Variants in TBC1D1 observed in about 807,000 individuals in gnomAD.
TBC1D1 encodes the protein TBC1 (tre-2/USP6, BUB2, cdc16) domain family, member 1.
In TBC1D1, 89 loss-of-function variants were observed where a neutral mutation model predicts 125.6. That is an observed-to-expected ratio of 0.71 (90% CI 0.60 to 0.85). TBC1D1 has a LOEUF of 0.85. Ranked by LOEUF, TBC1D1 falls within the 40% of genes least tolerant of loss-of-function variation. The pLI is 0.00. For missense variants in TBC1D1, 1,377 were observed against 1,469.2 expected, an observed-to-expected ratio of 0.94 and a Z score of 1.03; for synonymous variants, 565 against 564.1, an observed-to-expected ratio of 1.00 and a Z score of -0.02.
At position 37,905,065 on chromosome 4, in the gene TBC1D1, G is replaced by A. The variant is rs373275775; in HGVS notation, c.417+2553G>A. Among the ~76,000 whole-genome samples the A allele has an allele frequency of 1.1e-4, 16 of 152,330 alleles. No individual in the cohort carries two copies. In the East Asian group the frequency reaches 2.7e-3, roughly 26 times the overall value. On this transcript the variant is annotated intron_variant, in intron 2 of 19. Coordinates refer to ENST00000261439, the MANE Select transcript of TBC1D1 (RefSeq NM_015173.4). ...CCAGCATCATAAACACAAAACTACA[G>A]TTTGCGAGGAAACCCTTTGACCAGC...
rs185572412 is a variant in TBC1D1, at chr4:37,978,533, T to A, written c.418-35976T>A. Among the ~76,000 whole-genome samples the A allele has an allele frequency of 3.1e-3, 470 of 152,394 alleles. 2 individuals carry two copies. The highest frequency in any genetic ancestry group is 0.011 in the African/African-American group (456 of 41,586). On this transcript the variant is annotated intron_variant, in intron 2 of 19. Transcript: ENST00000261439. ...TTATAGTCTTATTTAATTACATTTT[T>A]ATGAATACCTGTTTGTGAGCAGGTA...
chr4:38,110,553 G>A (rs1762034248), intron 15 of TBC1D1: 2 of 985,420 alleles, frequency 2.0e-6, no homozygotes, highest in South Asian at 4.7e-5. Context: ...GGATCATCTT[G>A]TAGGCCTTTC....
At chr4:38,052,085 T>C (rs771729511) in intron 11 of TBC1D1, 25 bp downstream of exon 12, 59 of 1,550,228 alleles carry the variant, frequency 3.8e-5, no homozygotes, top group Admixed American at 9.8e-5. Flanking sequence ...GTGGCAAGTT[T>C]GGTGTTGTCT....
intron 14 of TBC1D1, among the ~76,000 whole-genome samples, chr4:38,097,913 G>C (rs1258565728): frequency 1.3e-5 from 2 of 152,086 alleles, no homozygotes; most frequent in Admixed American, 1.3e-4. Context: ...TGTTTGTTAC[G>C]CATTTTCCCT....
intron 2 of TBC1D1, among the ~76,000 whole-genome samples, chr4:37,909,524 G>T (rs1014263256): frequency 1.3e-5 from 2 of 152,028 alleles, no homozygotes; most frequent in East Asian, 1.9e-4. Context: ...TATATTTGCC[G>T]GCTCATTACT....
intron 2 of TBC1D1, chr4:38,006,958 C>T (rs908438067): frequency 2.3e-6 from 1 of 432,290 alleles, no homozygotes; most frequent in Non-Finnish European, 4.6e-6. Flanking sequence ...GATACCCAGT[C>T]ATAAGTCTCC....
intron 2 of TBC1D1, among the ~76,000 whole-genome samples, chr4:37,916,986 G>T (rs934204328): frequency 1.3e-5 from 2 of 151,562 alleles, no homozygotes; most frequent in Non-Finnish European, 2.9e-5. Context: ...GGCCAGGCTG[G>T]TCTTGAACTT....
At chr4:38,061,184 C>T (rs1047653229) in intron 12 of TBC1D1, among the ~76,000 whole-genome samples, 2 of 152,102 alleles carry the variant, frequency 1.3e-5, no homozygotes, top group African/African-American at 4.8e-5. Context: ...CTTTCCTGCC[C>T]TTTGGTTTTC....
intron 12 of TBC1D1, among the ~76,000 whole-genome samples, chr4:38,062,781 C>T (rs1753006149): frequency 2.0e-5 from 3 of 152,092 alleles, no homozygotes; most frequent in African/African-American, 7.2e-5. Context: ...GAACCTCCGG[C>T]GTTTAAACAG....
intron 14 of TBC1D1, among the ~76,000 whole-genome samples, chr4:38,101,160 T>A (rs1381767462): frequency 6.6e-6 from 1 of 152,220 alleles, no homozygotes; most frequent in Non-Finnish European, 1.5e-5. Context: ...TGCTGCTACC[T>A]GCCAGAGCAG....
At chr4:38,028,142 CAAAA>C (rs371559180) in intron 7 of TBC1D1, among the ~76,000 whole-genome samples, 1 of 146,198 alleles carries the variant, frequency 6.8e-6, no homozygotes, top group Admixed American at 6.8e-5. Flanking sequence ...AAAAAAACAG[CAAAA>C]AAAAAAATCT....
intron 2 of TBC1D1, among the ~76,000 whole-genome samples, chr4:37,988,237 C>A (rs1735846730): frequency 6.6e-6 from 1 of 152,200 alleles, no homozygotes; most frequent in African/African-American, 2.4e-5. Flanking sequence ...AGTCCTTGAT[C>A]TATAAAATGA....
intron 12 of TBC1D1, among the ~76,000 whole-genome samples, chr4:38,069,384 G>A (rs1458617245): frequency 6.6e-6 from 1 of 152,180 alleles, no homozygotes; most frequent in Non-Finnish European, 1.5e-5. Context: ...GAACGCTCAG[G>A]AAGCAGATGC....
intron 2 of TBC1D1, among the ~76,000 whole-genome samples, chr4:38,004,875 T>A (rs571435116): frequency 6.6e-6 from 1 of 152,234 alleles, no homozygotes; most frequent in Non-Finnish European, 1.5e-5. Flanking sequence ...GATAGATTAT[T>A]GAAAAACGGT....
chr4:37,981,066 C>T (rs536713217), intron 2 of TBC1D1, among the ~76,000 whole-genome samples: 1 of 152,206 alleles, frequency 6.6e-6, no homozygotes, highest in African/African-American at 2.4e-5. Flanking sequence ...CCTCAGCCTC[C>T]CTAGTAGCTG....
intron 2 of TBC1D1, among the ~76,000 whole-genome samples, chr4:38,002,833 A>G (rs1739338037): frequency 6.6e-6 from 1 of 152,222 alleles, no homozygotes; most frequent in Non-Finnish European, 1.5e-5. Flanking sequence ...TACCAAACCA[A>G]AATGGAGTCA....
chr4:38,131,553 T>C (rs747384827), intron 18 of TBC1D1, among the ~76,000 whole-genome samples: 7 of 152,194 alleles, frequency 4.6e-5, no homozygotes, highest in Non-Finnish European at 7.3e-5. Context: ...TTCCAGGAGT[T>C]GCCTCGTTTA....
intron 2 of TBC1D1, among the ~76,000 whole-genome samples, chr4:37,987,097 AT>A (rs1176229352): frequency 6.6e-6 from 1 of 152,114 alleles, no homozygotes; most frequent in African/African-American, 2.4e-5. Flanking sequence ...AATATGAGAG[AT>A]TGACTTTGCT....
rs542299627 is a variant in TBC1D1 at position 37,938,648 on chromosome 4, A to G, written c.417+36136A>G. Among the ~76,000 whole-genome samples the G allele has an allele frequency of 1.2e-4, 19 of 152,272 alleles. No individual in the cohort carries two copies. The East Asian group carries it at 2.9e-3, about 23-fold the overall frequency. On this transcript the variant is annotated intron_variant, in intron 2 of 19. Transcript: ENST00000261439. ...CTGCACCCATTAACTCGTCATTTACATTAGGTATATCTCCTAATGCTATGC... is the reference window on the plus strand; with the variant it reads ...CTGCACCCATTAACTCGTCATTTACGTTAGGTATATCTCCTAATGCTATGC...
Sources: gnomAD v4.1 joint callset for allele counts (sites outside exome capture counted in the v4.1 genomes callset) on GRCh38, gnomAD v4.1.1 for gene constraint, MANE v1.5 for transcripts, NCBI Gene and HGNC (gene_info 2026-07-23, HGNC 2026-07-21) for gene names.